EYS: variants seen among roughly 807,000 people sequenced by gnomAD.
EYS encodes the protein protein eyes shut homolog.
In EYS, 250 loss-of-function variants were observed where a neutral mutation model predicts 282.1. The observed-to-expected ratio is 0.89, with a 90% CI of 0.80 to 0.98. The LOEUF (loss-of-function observed/expected upper bound fraction) is 0.98, where lower values mean the gene tolerates loss of function less well. EYS is among the 50% of genes least tolerant of loss of function. EYS has a pLI of 0.00. For missense variants in EYS, 4,016 were observed against 3,709.0 expected, an observed-to-expected ratio of 1.08 and a Z score of -2.15; for synonymous variants, 1,355 against 1,282.9, an observed-to-expected ratio of 1.06 and a Z score of -1.20.
chr6:63,937,246 T>G (rs896642658), intron 35 of EYS, among the ~76,000 whole-genome samples: 7 of 150,302 alleles, frequency 4.7e-5, no homozygotes, highest in African/African-American at 1.7e-4. Context: ...GTGAGGCAAG[T>G]GTGGCTGTCA....
intron 36 of EYS, among the ~76,000 whole-genome samples, chr6:63,812,345 C>T (rs1053735782): frequency 7.2e-5 from 11 of 152,080 alleles, no homozygotes; most frequent in African/African-American, 2.7e-4. Flanking sequence ...CTTCAAGACT[C>T]GCTCAGGTGT....
At chr6:65,022,956 T>C (rs953588087) in intron 13 of EYS, among the ~76,000 whole-genome samples, 2 of 151,962 alleles carry the variant, frequency 1.3e-5, no homozygotes, top group African/African-American at 4.8e-5. Flanking sequence ...ATTGTACAAT[T>C]CCATTTATAT....
intron 12 of EYS, among the ~76,000 whole-genome samples, chr6:65,143,996 T>C (rs142694736): frequency 7.2e-5 from 11 of 152,158 alleles, no homozygotes; most frequent in African/African-American, 2.6e-4. Flanking sequence ...CAAATGAAAA[T>C]GTCCATATTG....
At chr6:63,864,468 A>G in intron 35 of EYS, 110 bp from the exon 36 acceptor site, 1 of 705,930 alleles carries the variant, frequency 1.4e-6, no homozygotes, top group Non-Finnish European at 2.1e-6. Flanking sequence ...TTATAATTGC[A>G]TCTTTTCTAA....
chr6:64,603,660 T>C (rs1766831946), intron 24 of EYS, among the ~76,000 whole-genome samples: 1 of 152,048 alleles, frequency 6.6e-6, no homozygotes, highest in East Asian at 1.9e-4. Context: ...TTTCTATATG[T>C]GATAGGGCTC....
At chr6:65,233,591 A>G (rs944626830) in intron 12 of EYS, among the ~76,000 whole-genome samples, 11 of 152,052 alleles carry the variant, frequency 7.2e-5, no homozygotes, top group African/African-American at 2.7e-4. Flanking sequence ...GGCTGCAATC[A>G]TTATTTAGGG....
chr6:64,543,314 A>C (rs2149800305), intron 26 of EYS, among the ~76,000 whole-genome samples: 1 of 152,268 alleles, frequency 6.6e-6, no homozygotes, highest in Middle Eastern at 3.4e-3. Flanking sequence ...CAGACTTTAA[A>C]AAACAGTATT....
chr6:65,028,537 A>G (rs1772496314), intron 13 of EYS, among the ~76,000 whole-genome samples: 1 of 152,068 alleles, frequency 6.6e-6, no homozygotes. Flanking sequence ...GATTTTTAGT[A>G]TAGTTTTCAC....
chr6:64,455,213 A>G (rs1775513569), intron 26 of EYS, among the ~76,000 whole-genome samples: 2 of 151,988 alleles, frequency 1.3e-5, no homozygotes, highest in South Asian at 4.2e-4. Flanking sequence ...ACCACACCCA[A>G]ACACGTTTAT....
At chr6:64,350,911 G>A (rs147298013) in intron 29 of EYS, among the ~76,000 whole-genome samples, 1 of 151,514 alleles carries the variant, frequency 6.6e-6, no homozygotes, top group East Asian at 2.0e-4. Flanking sequence ...AGTTCTCACG[G>A]TATCTGATGG....
chr6:65,538,906 GC>G (rs1554208414), intron 2 of EYS, among the ~76,000 whole-genome samples: 1 of 152,054 alleles, frequency 6.6e-6, no homozygotes, highest in Non-Finnish European at 1.5e-5. Flanking sequence ...AAAGATATAT[GC>G]CATCCTCAGG....
intron 30 of EYS, among the ~76,000 whole-genome samples, chr6:64,258,738 C>A (rs529659485): frequency 6.6e-6 from 1 of 151,998 alleles, no homozygotes; most frequent in Non-Finnish European, 1.5e-5. Flanking sequence ...CTTTTTTAAA[C>A]GTAAAGTTCA....
intron 29 of EYS, among the ~76,000 whole-genome samples, chr6:64,335,666 C>T (rs1767593): frequency 0.03 from 4,575 of 152,008 alleles, 140 homozygotes; most frequent in African/African-American, 0.081. Flanking sequence ...TTGATTGTCC[C>T]GCAACAATCA....
At chr6:64,149,901 C>T (rs1774644873) in intron 31 of EYS, among the ~76,000 whole-genome samples, 1 of 152,096 alleles carries the variant, frequency 6.6e-6, no homozygotes, top group South Asian at 2.1e-4. Flanking sequence ...AATGCCCTGC[C>T]TTCATGGGGG....
chr6:64,951,529 T>G (rs1256455430), intron 14 of EYS, among the ~76,000 whole-genome samples: 1 of 151,966 alleles, frequency 6.6e-6, no homozygotes, highest in Non-Finnish European at 1.5e-5. Flanking sequence ...AGAGACAAAC[T>G]GACAGTAGAA....
At chr6:64,882,733 CAATT>C (rs763376901) in intron 19 of EYS, among the ~76,000 whole-genome samples, 6 of 151,542 alleles carry the variant, frequency 4.0e-5, no homozygotes, top group African/African-American at 7.3e-5. Context: ...ATTTCCCATT[CAATT>C]AATTATCTTT....
chr6:65,119,256 C>A (rs527827816), intron 12 of EYS, among the ~76,000 whole-genome samples: 1 of 152,266 alleles, frequency 6.6e-6, no homozygotes, highest in East Asian at 1.9e-4. Flanking sequence ...AAGTGGGCAG[C>A]ATGCTTGGGA....
At chr6:63,795,938 G>GA (rs980358186) in intron 37 of EYS, among the ~76,000 whole-genome samples, 3 of 151,738 alleles carry the variant, frequency 2.0e-5, no homozygotes, top group South Asian at 4.2e-4. Context: ...ATTCTCATGA[G>GA]AAAAAAAACA....
intron 5 of EYS, among the ~76,000 whole-genome samples, chr6:65,437,685 C>T (rs765707744): frequency 9.2e-5 from 14 of 152,130 alleles, no homozygotes; most frequent in South Asian, 4.2e-4. Flanking sequence ...AAAACTGTTA[C>T]AAAAATATTT....
Sources: gnomAD v4.1 joint callset for allele counts (sites outside exome capture counted in the v4.1 genomes callset) on GRCh38, gnomAD v4.1.1 for gene constraint, MANE v1.5 for transcripts, NCBI Gene and HGNC (gene_info 2026-07-23, HGNC 2026-07-21) for gene names.